The following STOX2 variants were observed in gnomAD, a reference collection of about 807,000 sequenced individuals.
STOX2 encodes storkhead box 2.
In STOX2, 28 loss-of-function variants were observed where a neutral mutation model predicts 60.9. That is an observed-to-expected ratio of 0.46 (90% CI 0.34 to 0.63). The LOEUF (loss-of-function observed/expected upper bound fraction) is 0.63, where lower values mean the gene tolerates loss of function less well. STOX2 is among the 30% of genes least tolerant of loss of function. The probability of loss-of-function intolerance (pLI) is 0.01; values close to 1 mark genes in which losing one functional copy is unlikely to be tolerated. For synonymous variants in STOX2, 472 were observed against 463.9 expected (o/e 1.02, Z -0.22); for missense variants, 1,024 against 1,187.7 (o/e 0.86, Z 2.03).
intron 1 of STOX2, among the ~76,000 whole-genome samples, chr4:183,946,776 C>T (rs1249312950): frequency 6.6e-6 from 1 of 151,966 alleles, no homozygotes; most frequent in Admixed American, 6.6e-5. Context: ...CAGGTGCGTG[C>T]CACCACATCC....
chr4:183,839,910 C>T (rs1160403339), intron 1 of STOX2, among the ~76,000 whole-genome samples: 1 of 152,120 alleles, frequency 6.6e-6, no homozygotes, highest in African/African-American at 2.4e-5. Context: ...GAGTCTGTAG[C>T]GAGTTTTGGC....
chr4:183,882,998 A>G (rs75720153), intron 1 of STOX2, among the ~76,000 whole-genome samples: 413 of 152,360 alleles, frequency 2.7e-3, no homozygotes, highest in African/African-American at 7.7e-3. Flanking sequence ...ACCATTTTAT[A>G]TAACTGTTGC....
intron 1 of STOX2, among the ~76,000 whole-genome samples, chr4:183,932,532 A>T (rs1742469314): frequency 6.6e-6 from 1 of 151,908 alleles, no homozygotes; most frequent in African/African-American, 2.4e-5. Context: ...GATACAATAT[A>T]TTATACAGTA....
intron 1 of STOX2, chr4:183,798,192 G>T: frequency 1.1e-6 from 1 of 873,644 alleles, no homozygotes; most frequent in Non-Finnish European, 1.5e-6. Flanking sequence ...CGTCCCTGCC[G>T]GGGGAGGAGC....
At chr4:183,855,665 T>C (rs1180171511) in intron 1 of STOX2, among the ~76,000 whole-genome samples, 2 of 152,226 alleles carry the variant, frequency 1.3e-5, no homozygotes, top group African/African-American at 2.4e-5. Context: ...AAAATGTGTA[T>C]GTAAGCATCT....
intron 1 of STOX2, among the ~76,000 whole-genome samples, chr4:183,879,139 G>C (rs1045124817): frequency 6.6e-6 from 1 of 152,146 alleles, no homozygotes; most frequent in East Asian, 1.9e-4. Context: ...AAGATTAGAC[G>C]TGTGTATGGG....
intron 1 of STOX2, among the ~76,000 whole-genome samples, chr4:183,941,198 G>A (rs1242465520): frequency 2.0e-5 from 3 of 152,130 alleles, no homozygotes; most frequent in Non-Finnish European, 2.9e-5. Flanking sequence ...CCTTTGAGTC[G>A]TATGTATTTG....
At position 183,951,123 on chromosome 4, in the gene STOX2, G is replaced by A. The variant is rs191618145; in HGVS notation, c.166+44167G>A. On this transcript the variant is annotated intron_variant, in intron 1 of 3. Coordinates refer to ENST00000308497, the MANE Select transcript of STOX2 (RefSeq NM_020225.3). ...CCCAGCTACTCGGGAGGCTGAGGCA[G>A]GAGAATGGGTGAACCCGGGAGGTGG... is the stretch of plus-strand genomic sequence containing the variant. 2.1e-3 allele frequency among the ~76,000 whole-genome samples: 313 copies of A among 150,812 alleles called. 1 individual carries two copies. The highest frequency in any genetic ancestry group is 7.3e-3 in the African/African-American group (302 of 41,178).
At chr4:183,951,143 A>T (rs1294057367) in intron 1 of STOX2, among the ~76,000 whole-genome samples, 3 of 147,052 alleles carry the variant, frequency 2.0e-5, no homozygotes, top group Non-Finnish European at 4.5e-5. Context: ...TGAACCCGGG[A>T]GGTGGAGCTT....
At chr4:183,840,112 A>C (rs1739820296) in intron 1 of STOX2, among the ~76,000 whole-genome samples, 1 of 152,106 alleles carries the variant, frequency 6.6e-6, no homozygotes, top group Non-Finnish European at 1.5e-5. Flanking sequence ...ATGCCAAAAA[A>C]TGTAAGCATG....
In STOX2 at chr4:184,005,474, A is replaced by AAAAAAAAAAAAC. The variant is rs58443213; in HGVS notation, c.320-3682_320-3681insAAAAAAAAACAA. ...CGATATCTCAAAAAAAAAAAAAAAA[A>AAAAAAAAAAAAC]AATTCATAGGTATAAGTAGACCACA... On this transcript the variant is annotated intron_variant, in intron 2 of 3. Coordinates refer to ENST00000308497, the MANE Select transcript of STOX2 (RefSeq NM_020225.3). 1.2e-4 allele frequency among the ~76,000 whole-genome samples: 14 copies of AAAAAAAAAAAAC among 120,070 alleles called. 1 individual carries two copies. The highest frequency in any genetic ancestry group is 1.7e-4 in the Non-Finnish European group (10 of 57,514). 78.8% of individuals were successfully genotyped at this position (120,070 alleles called of 152,430 possible). A position where few individuals can be genotyped will look rare whatever the true frequency, so the allele number is the denominator to read the frequency against.
chr4:183,843,324 A>G lies in STOX2; in HGVS notation c.364+45269A>G, dbSNP rs115915451. 4.4e-3 allele frequency among the ~76,000 whole-genome samples: 667 copies of G among 152,192 alleles called. 12 individuals carry two copies. Among genetic ancestry groups the G allele is most frequent in the African/African-American group, 0.015 (631 of 41,510 alleles). ...CAGAGACGTCACCCTGACCCGTAGG[A>G]CTCCGCAGAACTCAGTGTGAAAAAC... On this transcript the variant is annotated intron_variant, in intron 1 of 2. Coordinates refer to the STOX2 transcript ENST00000513034.
intron 1 of STOX2, among the ~76,000 whole-genome samples, chr4:183,993,737 T>A (rs1733208980): frequency 6.6e-6 from 1 of 152,210 alleles, no homozygotes; most frequent in Admixed American, 6.5e-5. Context: ...AAACCTACAG[T>A]AAACTAGTAA....
intron 1 of STOX2, among the ~76,000 whole-genome samples, chr4:183,914,642 G>A (rs1024374711): frequency 3.9e-5 from 6 of 152,102 alleles, no homozygotes; most frequent in East Asian, 1.9e-4. Flanking sequence ...GGCAGTGTTC[G>A]TTGTGAACAC....
At chr4:183,916,463 C>T (rs1272605890) in intron 1 of STOX2, among the ~76,000 whole-genome samples, 1 of 152,160 alleles carries the variant, frequency 6.6e-6, no homozygotes, top group Non-Finnish European at 1.5e-5. Context: ...CCTCGGCTTC[C>T]TTACCTGCAA....
chr4:183,845,309 C>T (rs28738965), intron 1 of STOX2, among the ~76,000 whole-genome samples: 23,119 of 151,914 alleles, frequency 0.15, 1,886 homozygotes, highest in African/African-American at 0.2. Context: ...CATCCAGAGC[C>T]GGAAAAGCTT....
intron 1 of STOX2, among the ~76,000 whole-genome samples, chr4:183,898,586 G>C (rs1488483190): frequency 6.6e-6 from 1 of 152,146 alleles, no homozygotes; most frequent in Non-Finnish European, 1.5e-5. Context: ...TGAATGTTGT[G>C]GAAGGAACTG....
intron 1 of STOX2, among the ~76,000 whole-genome samples, chr4:183,896,206 C>G (rs1205866701): frequency 6.6e-6 from 1 of 152,096 alleles, no homozygotes; most frequent in Non-Finnish European, 1.5e-5. Context: ...GTAGAAAGTA[C>G]CAAATAAATG....
At chr4:183,935,491 A>C (rs1235516726) in intron 1 of STOX2, among the ~76,000 whole-genome samples, 1 of 152,248 alleles carries the variant, frequency 6.6e-6, no homozygotes, top group Non-Finnish European at 1.5e-5. Context: ...TCAAAGGGAA[A>C]CTGAAGTGAG....
Sources: allele counts gnomAD v4.1 joint callset (sites outside exome capture counted in the v4.1 genomes callset), GRCh38; gene constraint gnomAD v4.1.1; transcripts MANE v1.5; gene names NCBI Gene and HGNC (gene_info 2026-07-23, HGNC 2026-07-21).